Variants in SGCZ observed in about 807,000 individuals in gnomAD.
SGCZ encodes zeta-sarcoglycan.
In SGCZ, 40 loss-of-function variants were observed where a neutral mutation model predicts 41.3. The observed-to-expected ratio is 0.97, with a 90% CI of 0.75 to 1.26. The LOEUF (loss-of-function observed/expected upper bound fraction) is 1.26. Among genes scored for constraint, SGCZ ranks in the 50% most tolerant of loss-of-function variants. SGCZ has a pLI of 0.00. For synonymous variants in SGCZ, 206 were observed against 137.5 expected, an observed-to-expected ratio of 1.50 and a Z score of -3.49; for missense variants, 552 against 369.8, an observed-to-expected ratio of 1.49 and a Z score of -4.04.
Position 14,086,162 on chromosome 8 carries a change from T to C in SGCZ, c.*4281A>G, listed in dbSNP as rs957645802. Among the ~76,000 whole-genome samples the C allele has an allele frequency of 2.6e-5, 4 of 151,830 alleles. No individual in the cohort carries two copies. Among genetic ancestry groups the C allele is most frequent in the African/African-American group, 4.8e-5 (2 of 41,524 alleles). On this transcript the variant is annotated 3_prime_UTR_variant, in exon 8 of 8. Coordinates refer to ENST00000382080, the MANE Select transcript of SGCZ (RefSeq NM_139167.4). ...ACAACTCTTATTAGACCACAGCTATTTGAAGAATTAGGTGACAAGACCTCA... is the reference window on the plus strand; with the variant it reads ...ACAACTCTTATTAGACCACAGCTATCTGAAGAATTAGGTGACAAGACCTCA...
intron 1 of SGCZ, among the ~76,000 whole-genome samples, chr8:15,054,602 G>A (rs1466188833): frequency 2.6e-5 from 4 of 152,136 alleles, no homozygotes; most frequent in Non-Finnish European, 5.9e-5. Flanking sequence ...ACTTGAATGT[G>A]TTAGCTCTAC....
At chr8:14,886,690 G>T (rs1237248677) in intron 1 of SGCZ, among the ~76,000 whole-genome samples, 3 of 152,186 alleles carry the variant, frequency 2.0e-5, no homozygotes, top group Non-Finnish European at 4.4e-5. Flanking sequence ...GGAAGATTTT[G>T]TAGGTTTTTA....
chr8:14,285,313 C>A (rs1466067171), intron 3 of SGCZ, among the ~76,000 whole-genome samples: 1 of 152,076 alleles, frequency 6.6e-6, no homozygotes, highest in Non-Finnish European at 1.5e-5. Context: ...GGAGGAGCAA[C>A]CTGTTTGTTT....
chr8:14,337,051 G>A (rs1802527980), intron 2 of SGCZ, among the ~76,000 whole-genome samples: 2 of 152,102 alleles, frequency 1.3e-5, no homozygotes, highest in Admixed American at 1.3e-4. Context: ...TGGGAGGACT[G>A]TGAGTGAGTA....
chr8:14,312,951 T>G (rs566989729), intron 3 of SGCZ, among the ~76,000 whole-genome samples: 1 of 152,274 alleles, frequency 6.6e-6, no homozygotes, highest in Non-Finnish European at 1.5e-5. Flanking sequence ...TTCACCTTCT[T>G]ACTAAGAAGA....
intron 2 of SGCZ, among the ~76,000 whole-genome samples, chr8:14,400,612 T>C (rs1167821819): frequency 2.0e-5 from 3 of 152,140 alleles, no homozygotes; most frequent in East Asian, 3.8e-4. Flanking sequence ...TATAAAAATA[T>C]ATTATGTGAC....
chr8:15,217,544 C>G (rs187916319), intron 1 of SGCZ, among the ~76,000 whole-genome samples: 1 of 151,046 alleles, frequency 6.6e-6, no homozygotes, highest in Non-Finnish European at 1.5e-5. Context: ...TGAATTATAC[C>G]AATCTAGGAG....
chr8:14,717,974 A>G (rs1196820971), intron 1 of SGCZ, among the ~76,000 whole-genome samples: 3 of 141,216 alleles, frequency 2.1e-5, no homozygotes, highest in Non-Finnish European at 4.5e-5. Flanking sequence ...TAGAACCTGG[A>G]TAAATGTAAA....
At chr8:14,660,645 G>C (rs994224779) in intron 1 of SGCZ, among the ~76,000 whole-genome samples, 14 of 151,342 alleles carry the variant, frequency 9.3e-5, no homozygotes, top group African/African-American at 3.4e-4. Context: ...TTCAGGAAAG[G>C]TCTCTGAGGA....
At position 14,653,405 on chromosome 8, in the gene SGCZ, T is replaced by G. The variant is rs564947677; in HGVS notation, c.40-98479A>C. Reference sequence around the variant, plus strand: ...TTTCAATGAGTATAAATTAATCCTATATAGTGCTTAGCCCATATATTTTGT... The same window carrying G: ...TTTCAATGAGTATAAATTAATCCTAGATAGTGCTTAGCCCATATATTTTGT... On this transcript the variant is annotated intron_variant, in intron 1 of 7. Transcript: ENST00000382080. Among the ~76,000 whole-genome samples, 128 of 152,266 alleles carry G rather than the reference T, an allele frequency of 8.4e-4. 1 individual carries two copies. The highest frequency in any genetic ancestry group is 1.4e-3 in the Non-Finnish European group (98 of 68,014).
At chr8:14,986,565 A>T (rs534842887) in intron 1 of SGCZ, among the ~76,000 whole-genome samples, 7 of 152,228 alleles carry the variant, frequency 4.6e-5, no homozygotes, top group African/African-American at 1.7e-4. Flanking sequence ...AACAGGTAGA[A>T]ATCTGAAATA....
chr8:15,158,950 C>A (rs1371765225), intron 1 of SGCZ, among the ~76,000 whole-genome samples: 1 of 152,164 alleles, frequency 6.6e-6, no homozygotes, highest in Non-Finnish European at 1.5e-5. Flanking sequence ...TCCTGATATA[C>A]AACTCCTAAA....
chr8:14,591,115 T>C (rs935810687), intron 1 of SGCZ, among the ~76,000 whole-genome samples: 9 of 151,654 alleles, frequency 5.9e-5, no homozygotes, highest in Non-Finnish European at 1.0e-4. Flanking sequence ...TAATAAATCT[T>C]ATTCACTATT....
chr8:15,165,202 G>A (rs191454983), intron 1 of SGCZ, among the ~76,000 whole-genome samples: 1 of 152,092 alleles, frequency 6.6e-6, no homozygotes, highest in Non-Finnish European at 1.5e-5. Flanking sequence ...AGGCAGAAAT[G>A]CATGAACCCG....
chr8:15,235,647 G>C (rs1802096176), intron 1 of SGCZ, among the ~76,000 whole-genome samples: 1 of 152,070 alleles, frequency 6.6e-6, no homozygotes. Flanking sequence ...TTCCCCAGTG[G>C]GTTTGCTCTT....
At chr8:14,837,604 G>A (rs953803770) in intron 1 of SGCZ, among the ~76,000 whole-genome samples, 1 of 152,120 alleles carries the variant, frequency 6.6e-6, no homozygotes, top group Non-Finnish European at 1.5e-5. Flanking sequence ...GAAAGTGGTA[G>A]GCCTACTCCA....
chr8:14,852,852 G>A (rs1385583092), intron 1 of SGCZ, among the ~76,000 whole-genome samples: 1 of 152,102 alleles, frequency 6.6e-6, no homozygotes, highest in Non-Finnish European at 1.5e-5. Context: ...GATTCCTGTG[G>A]TATTGTTCCC....
chr8:15,116,116 G>T (rs552262491), intron 1 of SGCZ, among the ~76,000 whole-genome samples: 1 of 152,182 alleles, frequency 6.6e-6, no homozygotes, highest in South Asian at 2.1e-4. Context: ...GTCAGATTTG[G>T]TCTGCAGCCA....
At chr8:14,278,522 A>T (rs1273747722) in intron 3 of SGCZ, among the ~76,000 whole-genome samples, 1 of 152,112 alleles carries the variant, frequency 6.6e-6, no homozygotes, top group Non-Finnish European at 1.5e-5. Flanking sequence ...TATCCTGCCC[A>T]ACTACTCAAA....
Sources: gnomAD v4.1 joint callset for allele counts (sites outside exome capture counted in the v4.1 genomes callset) on GRCh38, gnomAD v4.1.1 for gene constraint, MANE v1.5 for transcripts, NCBI Gene and HGNC (gene_info 2026-07-23, HGNC 2026-07-21) for gene names.